BAIAP2L1: variants seen among roughly 807,000 people sequenced by gnomAD.
The protein encoded by BAIAP2L1 is BAR/IMD domain-containing adapter protein 2-like 1.
BAIAP2L1 carries 35 observed loss-of-function variants against 66.3 expected under a neutral mutation model. The ratio of observed to expected loss-of-function variants is 0.53; its 90% CI spans 0.40 to 0.70. The LOEUF (loss-of-function observed/expected upper bound fraction) is 0.70. Ranked by LOEUF, BAIAP2L1 falls within the 30% of genes least tolerant of loss-of-function variation. The pLI is 0.00. For synonymous variants in BAIAP2L1, 269 were observed against 248.7 expected (o/e 1.08, Z -0.77); for missense variants, 622 against 656.9 (o/e 0.95, Z 0.58).
chr7:98,293,740 G>C, intron 13 of BAIAP2L1, 144 bp from the exon 14 acceptor site: 1 of 768,594 alleles, frequency 1.3e-6, no homozygotes, highest in Non-Finnish European at 2.2e-6. Flanking sequence ...AGCGTTTTCT[G>C]AGTGTGAAAG....
chr7:98,313,642 G>C (rs1053056864), intron 7 of BAIAP2L1, among the ~76,000 whole-genome samples: 3 of 152,034 alleles, frequency 2.0e-5, no homozygotes, highest in African/African-American at 4.8e-5. Context: ...TTTTGAGAGA[G>C]GATTTTGGCT....
chr7:98,375,936 C>T (rs1802617132), intron 1 of BAIAP2L1, among the ~76,000 whole-genome samples: 1 of 152,094 alleles, frequency 6.6e-6, no homozygotes, highest in South Asian at 2.1e-4. Context: ...AAATATCTAG[C>T]CGATATTTTA....
intron 2 of BAIAP2L1, among the ~76,000 whole-genome samples, chr7:98,359,977 C>T (rs1046082839): frequency 6.6e-5 from 10 of 150,742 alleles, no homozygotes; most frequent in African/African-American, 2.2e-4. Context: ...GGCTGGAGTG[C>T]AGTGGCATGA....
rs200689915 is a variant in BAIAP2L1 at position 98,332,154 on chromosome 7, G to A, written c.215-11856C>T. Among the ~76,000 whole-genome samples the A allele has an allele frequency of 2.6e-4, 39 of 150,782 alleles. No homozygotes were observed. The East Asian group carries it at 2.9e-3, about 11-fold the overall frequency. On this transcript the variant is annotated intron_variant, in intron 3 of 13. Coordinates refer to ENST00000005260, the MANE Select transcript of BAIAP2L1 (RefSeq NM_018842.5). ...TCCAGCACTTTTGGGAGGCTGAGGC[G>A]GGTGGATCACTTGAGGCCAGGAGTT...
At chr7:98,293,877 G>A (rs1231181126) in intron 13 of BAIAP2L1, among the ~76,000 whole-genome samples, 197 bp downstream of exon 13, 2 of 152,206 alleles carry the variant, frequency 1.3e-5, no homozygotes, top group African/African-American at 4.8e-5. Context: ...GGTCACTCTG[G>A]GGTGGGGAAG....
At chr7:98,397,678 A>G in intron 1 of BAIAP2L1, among the ~76,000 whole-genome samples, 1 of 152,088 alleles carries the variant, frequency 6.6e-6, no homozygotes, top group African/African-American at 2.4e-5. Context: ...GCTCTTAATT[A>G]AGGGTTTTTT....
At chr7:98,380,450 C>A (rs892458034) in intron 1 of BAIAP2L1, among the ~76,000 whole-genome samples, 3 of 152,122 alleles carry the variant, frequency 2.0e-5, no homozygotes, top group African/African-American at 7.2e-5. Flanking sequence ...GATAAAGCAG[C>A]AAAAGCGGAA....
intron 3 of BAIAP2L1, among the ~76,000 whole-genome samples, chr7:98,353,338 T>A (rs992202561): frequency 1.4e-5 from 2 of 139,814 alleles, no homozygotes; most frequent in East Asian, 4.0e-4. Flanking sequence ...TATAAATATA[T>A]AAATATATTT....
At chr7:98,340,761 C>T (rs1043596442) in intron 3 of BAIAP2L1, among the ~76,000 whole-genome samples, 2 of 151,298 alleles carry the variant, frequency 1.3e-5, no homozygotes, top group African/African-American at 4.9e-5. Context: ...GCCTACACGA[C>T]ACATGGACTT....
chr7:98,312,194 T>C lies in BAIAP2L1; in HGVS notation c.710A>G (p.Glu237Gly). The change falls in exon 8 of 14, where the codon GAG becomes GGG. Residue 237 changes from glutamate (E) to glycine (G), a missense_variant. Transcript: ENST00000005260. ...TTCTTCGATCATATTCATGATTTTC[T>C]CTGGCACTTTGATGGCATCAACACA... ...ETCVDAIKVP[E>G]KIMNMIEEIK... is the part of the protein sequence containing the mutation. 1.2e-6 allele frequency: 2 copies of C among 1,614,164 alleles called. No homozygotes were observed. The highest frequency in any genetic ancestry group is 1.7e-6 in the Non-Finnish European group (2 of 1,180,010).
chr7:98,315,626 AAT>A lies in BAIAP2L1; in HGVS notation c.487-16_487-15del, dbSNP rs761018223. The A allele has an allele frequency of 3.1e-4, 339 of 1,076,726 alleles. No homozygotes were observed. Among genetic ancestry groups the A allele is most frequent in the Admixed American group, 2.0e-3 (54 of 26,824 alleles). 66.7% of individuals were successfully genotyped at this position (1,076,726 alleles called of 1,614,324 possible). A position where few individuals can be genotyped will look rare whatever the true frequency, so the allele number is the denominator to read the frequency against. ...GGTCTCCACATACTAAAAAAAAAAA[AAT>A]AATAATAATAATAATTATATAAGCA... is the stretch of plus-strand genomic sequence containing the variant. On this transcript the variant is annotated splice_polypyrimidine_tract_variant and intron_variant, in intron 6 of 13. Coordinates refer to ENST00000005260, the MANE Select transcript of BAIAP2L1 (RefSeq NM_018842.5).
chr7:98,342,185 G>A (rs1472212891), intron 3 of BAIAP2L1, among the ~76,000 whole-genome samples: 1 of 151,758 alleles, frequency 6.6e-6, no homozygotes, highest in Non-Finnish European at 1.5e-5. Flanking sequence ...CCAAGTAGCT[G>A]GGATTACAGG....
chr7:98,361,849 C>G (rs1375023161), intron 2 of BAIAP2L1, among the ~76,000 whole-genome samples: 1 of 152,118 alleles, frequency 6.6e-6, no homozygotes, highest in Non-Finnish European at 1.5e-5. Context: ...GATCATCCCG[C>G]CACACACTCC....
At chr7:98,306,771 G>C (rs545706584) in intron 10 of BAIAP2L1, 1 of 479,554 alleles carries the variant, frequency 2.1e-6, no homozygotes, top group Non-Finnish European at 3.7e-6. Context: ...GCAGTGGTGC[G>C]ATCATAGCTC....
At chr7:98,387,251 C>A (rs1206220590) in intron 1 of BAIAP2L1, among the ~76,000 whole-genome samples, 1 of 152,160 alleles carries the variant, frequency 6.6e-6, no homozygotes, top group Non-Finnish European at 1.5e-5. Context: ...TGTCCTGTCA[C>A]AGCTATAAAC....
rs534137880 is a variant in BAIAP2L1 at position 98,360,481 on chromosome 7, T to C, written c.127+1876A>G. 2.0e-5 allele frequency among the ~76,000 whole-genome samples: 3 copies of C among 152,300 alleles called. 1 individual carries two copies. Among genetic ancestry groups the C allele is most frequent in the Admixed American group, 6.5e-5 (1 of 15,286 alleles). ...GCACAACCAGATGGCCTGCAGAAATTCTGGAAATACCTTCTGAAGTATTTA... is the reference window on the plus strand; with the variant it reads ...GCACAACCAGATGGCCTGCAGAAATCCTGGAAATACCTTCTGAAGTATTTA... On this transcript the variant is annotated intron_variant, in intron 2 of 13. Coordinates refer to ENST00000005260, the MANE Select transcript of BAIAP2L1 (RefSeq NM_018842.5).
At chr7:98,357,457 T>C (rs1196854456) in intron 2 of BAIAP2L1, among the ~76,000 whole-genome samples, 1 of 150,772 alleles carries the variant, frequency 6.6e-6, no homozygotes, top group African/African-American at 2.4e-5. Flanking sequence ...ATCCCAGCTA[T>C]TCGGGAGGCT....
intron 1 of BAIAP2L1, among the ~76,000 whole-genome samples, chr7:98,366,694 C>G (rs1356916164): frequency 6.6e-6 from 1 of 152,164 alleles, no homozygotes; most frequent in East Asian, 1.9e-4. Context: ...TGCCTGGAAG[C>G]CCGCTCACCT....
At chr7:98,379,757 TAA>T (rs1802714079) in intron 1 of BAIAP2L1, among the ~76,000 whole-genome samples, 1 of 152,334 alleles carries the variant, frequency 6.6e-6, no homozygotes, top group Admixed American at 6.5e-5. Flanking sequence ...AATAAAATAT[TAA>T]GACACTCTAC....
Sources: gnomAD v4.1 joint callset for allele counts (sites outside exome capture counted in the v4.1 genomes callset) on GRCh38, gnomAD v4.1.1 for gene constraint, MANE v1.5 for transcripts, NCBI Gene and HGNC (gene_info 2026-07-23, HGNC 2026-07-21) for gene names.